Variants in DVL3 observed in about 807,000 individuals in gnomAD.
The protein encoded by DVL3 is segment polarity protein dishevelled homolog DVL-3.
DVL3 carries 27 observed loss-of-function variants against 67.4 expected under a neutral mutation model. The ratio of observed to expected loss-of-function variants is 0.40; its 90% CI spans 0.30 to 0.55. The LOEUF (loss-of-function observed/expected upper bound fraction) is 0.55, where lower values mean the gene tolerates loss of function less well. Ranked by LOEUF, DVL3 falls within the 20% of genes least tolerant of loss-of-function variation. DVL3 has a pLI of 0.46. For synonymous variants in DVL3, 369 were observed against 396.8 expected (o/e 0.93, Z 0.83); for missense variants, 819 against 1,021.5 (o/e 0.80, Z 2.70).
At chr3:184,156,281 C>T in intron 1 of DVL3, 2 of 455,606 alleles carry the variant, frequency 4.4e-6, no homozygotes, top group South Asian at 3.1e-5. Flanking sequence ...TCTGCTGGGA[C>T]TTTGAGCTGG....
At chr3:184,162,724 G>A (rs1366817769) in intron 1 of DVL3, among the ~76,000 whole-genome samples, 2 of 151,822 alleles carry the variant, frequency 1.3e-5, no homozygotes, top group Non-Finnish European at 2.9e-5. Context: ...GTCAGAGCTG[G>A]AATTTCACCC....
At position 184,163,590 on chromosome 3, in the gene DVL3, G is replaced by T; in HGVS notation, c.162-67G>T. 7.3e-7 allele frequency: 1 copy of T among 1,365,594 alleles called. No individual in the cohort carries two copies. Among genetic ancestry groups the T allele is most frequent in the African/African-American group, 1.4e-5 (1 of 70,126 alleles). 84.6% of individuals were successfully genotyped at this position (1,365,594 alleles called of 1,614,324 possible). ...GTTTAGGATGGAGGAGCCCCTGAGA[G>T]TTGGGATTTGAGGATCCTCCATTTG... On this transcript the variant is annotated intron_variant, in intron 1 of 14. Transcript: ENST00000313143. This position sits in a 1 kb window ranked among gnomAD's most constrained non-coding sequence, Gnocchi z 4.5.
chr3:184,171,609 AGGG>A lies in DVL3; in HGVS notation c.*856_*858del. ...TTTGACTTTCTGTGAGCCCCCAGCGAGGGGAGGCCCAGCCTCCGAGGAGACCAG... is the reference window on the plus strand; with the variant it reads ...TTTGACTTTCTGTGAGCCCCCAGCGAGAGGCCCAGCCTCCGAGGAGACCAG... On this transcript the variant is annotated 3_prime_UTR_variant, in exon 15 of 15. Coordinates refer to ENST00000313143, the MANE Select transcript of DVL3 (RefSeq NM_004423.4). The A allele has an allele frequency of 1.0e-6, 1 of 985,896 alleles. No homozygotes were observed. Among genetic ancestry groups the A allele is most frequent in the Non-Finnish European group, 1.2e-6 (1 of 829,952 alleles). 61.1% of individuals were successfully genotyped at this position (985,896 alleles called of 1,614,324 possible).
Position 184,165,531 on chromosome 3 carries a change from T to C in DVL3, c.763+40T>C. The C allele has an allele frequency of 6.4e-7, 1 of 1,565,042 alleles. No homozygotes were observed. Among genetic ancestry groups the C allele is most frequent in the Non-Finnish European group, 8.8e-7 (1 of 1,135,492 alleles). Reference sequence around the variant, plus strand: ...ACAGCACTCTCAAGCACCTGCTATATGCCAGACACTGGGCAGACTTGAGTT... The same window carrying C: ...ACAGCACTCTCAAGCACCTGCTATACGCCAGACACTGGGCAGACTTGAGTT... On this transcript the variant is annotated intron_variant, in intron 7 of 14. Transcript: ENST00000313143. This position sits in a 1 kb window ranked among gnomAD's most constrained non-coding sequence, Gnocchi z 4.1.
Position 184,164,966 on chromosome 3 carries a change from G to A in DVL3, c.599+35G>A, listed in dbSNP as rs1714525237. On this transcript the variant is annotated intron_variant, in intron 5 of 14. Coordinates refer to ENST00000313143, the MANE Select transcript of DVL3 (RefSeq NM_004423.4). This position sits in a 1 kb window ranked among gnomAD's most constrained non-coding sequence, Gnocchi z 5.3. ...GAGTTTCATGGGTATTGTGGGGCAG[G>A]TGACCCTGGAGGAGCCCTAAACCCT... 2 of 1,613,690 alleles carry A rather than the reference G, an allele frequency of 1.2e-6. No homozygotes were observed. Among genetic ancestry groups the A allele is most frequent in the East Asian group, 2.2e-5 (1 of 44,870 alleles).
rs755596247 is a variant in DVL3, at chr3:184,165,103, G to A, written c.600-10G>A. ...GCCAGCCTGGTGGGGAACGACTGTG[G>A]GCCCCACAGGTTCAGCAGCTCCACA... On this transcript the variant is annotated splice_polypyrimidine_tract_variant and intron_variant, in intron 5 of 14. Coordinates refer to ENST00000313143, the MANE Select transcript of DVL3 (RefSeq NM_004423.4). The surrounding 1 kb of genome is among the most constrained non-coding windows in gnomAD (Gnocchi z 4.1). 6.2e-7 allele frequency: 1 copy of A among 1,613,998 alleles called. No individual in the cohort carries two copies. The highest frequency in any genetic ancestry group is 1.1e-5 in the South Asian group (1 of 91,050).
chr3:184,155,947 C>A lies in DVL3; in HGVS notation c.161+151C>A. ...TCGGCCCATTTGGGCCCCTTTGGTT[C>A]CAGCCCCAGTAGCAACTCCCGTTTA... On this transcript the variant is annotated intron_variant, in intron 1 of 14. Transcript: ENST00000313143. The surrounding 1 kb of genome is among the most constrained non-coding windows in gnomAD (Gnocchi z 5.4). 1 of 954,666 alleles carries A rather than the reference C, an allele frequency of 1.0e-6. No individual in the cohort carries two copies. Among genetic ancestry groups the A allele is most frequent in the Non-Finnish European group, 1.5e-6 (1 of 655,918 alleles). The allele number at this position is 954,666 out of a possible 1,614,324, so 59.1% of individuals were successfully genotyped here. A position where few individuals can be genotyped will look rare whatever the true frequency, so the allele number is the denominator to read the frequency against.
Position 184,155,482 on chromosome 3 carries a change from C to A in DVL3, c.-154C>A. ...GGCGGCGGCGGGCGGCGCTGGGACC[C>A]GGTAGCGGCCGGAGAACAAGGGAGC... On this transcript the variant is annotated 5_prime_UTR_variant, in exon 1 of 15. Coordinates refer to ENST00000313143, the MANE Select transcript of DVL3 (RefSeq NM_004423.4). This position sits in a 1 kb window ranked among gnomAD's most constrained non-coding sequence, Gnocchi z 5.4. The A allele has an allele frequency of 3.7e-6, 1 of 270,940 alleles. No homozygotes were observed. The highest frequency in any genetic ancestry group is 1.3e-4 in the South Asian group (1 of 7,864). The allele number at this position is 270,940 out of a possible 1,614,324, so 16.8% of individuals were successfully genotyped here. A position where few individuals can be genotyped will look rare whatever the true frequency, so the allele number is the denominator to read the frequency against.
chr3:184,170,985 T>G lies in DVL3; in HGVS notation c.*230T>G. On this transcript the variant is annotated 3_prime_UTR_variant, in exon 15 of 15. Transcript: ENST00000313143. This position sits in a 1 kb window ranked among gnomAD's most constrained non-coding sequence, Gnocchi z 6.5. ...CCAGTTCGTTTCCTCTGCCCACTAA[T>G]CCCTGCGCAGGACTTCCCAGGACCC... is the stretch of plus-strand genomic sequence containing the variant. 6.7e-7 allele frequency: 1 copy of G among 1,497,890 alleles called. No individual in the cohort carries two copies. Among genetic ancestry groups the G allele is most frequent in the Non-Finnish European group, 8.9e-7 (1 of 1,122,540 alleles). 92.8% of individuals were successfully genotyped at this position (1,497,890 alleles called of 1,614,324 possible). A position where few individuals can be genotyped will look rare whatever the true frequency, so the allele number is the denominator to read the frequency against.
At chr3:184,161,277 A>G (rs1019038239) in intron 1 of DVL3, among the ~76,000 whole-genome samples, 4 of 152,170 alleles carry the variant, frequency 2.6e-5, no homozygotes, top group African/African-American at 7.2e-5. Flanking sequence ...AAATATAAAA[A>G]TTAGCCAGGC....
At chr3:184,162,974 C>G (rs1290982398) in intron 1 of DVL3, among the ~76,000 whole-genome samples, 2 of 152,080 alleles carry the variant, frequency 1.3e-5, no homozygotes, top group Non-Finnish European at 2.9e-5. Context: ...TTTGAGGACC[C>G]TCAGACTGTC....
rs1341947182 is a variant in DVL3 at position 184,170,313 on chromosome 3, C to T, written c.1715-6C>T. The T allele has an allele frequency of 1.3e-6, 2 of 1,598,158 alleles. No individual in the cohort carries two copies. Among genetic ancestry groups the T allele is most frequent in the African/African-American group, 2.7e-5 (2 of 74,638 alleles). On this transcript the variant is annotated splice_polypyrimidine_tract_variant and splice_region_variant and intron_variant, in intron 14 of 14. Coordinates refer to ENST00000313143, the MANE Select transcript of DVL3 (RefSeq NM_004423.4). The surrounding 1 kb of genome is among the most constrained non-coding windows in gnomAD (Gnocchi z 6.5). ...GCCCCACCCCGGCCCTGTTTGCCTCCTACAGGCAGTCGGAGCAGTGGCTCC... is the reference window on the plus strand; with the variant it reads ...GCCCCACCCCGGCCCTGTTTGCCTCTTACAGGCAGTCGGAGCAGTGGCTCC...
At chr3:184,168,729 T>G (rs1560120144) in intron 13 of DVL3, among the ~76,000 whole-genome samples, 1 of 152,176 alleles carries the variant, frequency 6.6e-6, no homozygotes, top group Admixed American at 6.5e-5. Flanking sequence ...TCAAGGGCAG[T>G]TGTAGCTCTC....
chr3:184,169,275 G>C (rs2109023302), intron 13 of DVL3, among the ~76,000 whole-genome samples: 1 of 152,360 alleles, frequency 6.6e-6, no homozygotes, highest in Admixed American at 6.5e-5. Flanking sequence ...CTGAGCTGAA[G>C]GTAGTGTTCG....
Position 184,163,833 on chromosome 3 carries a change from TC to T in DVL3, c.231+108del. On this transcript the variant is annotated intron_variant, in intron 2 of 14. Transcript: ENST00000313143. The surrounding 1 kb of genome is among the most constrained non-coding windows in gnomAD (Gnocchi z 4.5). ...GTGGTTTTAAGCTTCAGTATCTGAA[TC>T]TTTCTTTAGTTTTGCAAATGAACTG... 1.0e-6 allele frequency: 1 copy of T among 997,302 alleles called. No homozygotes were observed. The highest frequency in any genetic ancestry group is 1.5e-6 in the Non-Finnish European group (1 of 650,346). 61.8% of individuals were successfully genotyped at this position (997,302 alleles called of 1,614,324 possible). A position where few individuals can be genotyped will look rare whatever the true frequency, so the allele number is the denominator to read the frequency against.
chr3:184,155,776 G>C lies in DVL3; in HGVS notation c.141G>C (p.Lys47Asn). The change falls in exon 1 of 15, where the codon AAG becomes AAC. Residue 47 changes from lysine to asparagine, a missense_variant. By Grantham distance (94) the Lys-to-Asn change is moderately conservative. Around this residue, in one of 3 missense-constraint regions of DVL3, gnomAD observed 385 missense variants for 486.8 expected, o/e 0.79. Coordinates refer to ENST00000313143, the MANE Select transcript of DVL3 (RefSeq NM_004423.4). This position sits in a 1 kb window ranked among gnomAD's most constrained non-coding sequence, Gnocchi z 5.4. Reference protein sequence around the residue: ...LQRPSYKFFFKSMDDDFGVVK... With the variant: ...LQRPSYKFFFNSMDDDFGVVK... ...GACCCAGCTATAAGTTCTTCTTCAA[G>C]TCTATGGACGACGATTTCGGGTGAG... 1 of 1,611,482 alleles carries C rather than the reference G, an allele frequency of 6.2e-7. No individual in the cohort carries two copies. The highest frequency in any genetic ancestry group is 8.5e-7 in the Non-Finnish European group (1 of 1,179,142).
At chr3:184,168,506 G>A (rs979596907) in intron 13 of DVL3, among the ~76,000 whole-genome samples, 3 of 152,160 alleles carry the variant, frequency 2.0e-5, no homozygotes, top group African/African-American at 7.2e-5. Context: ...GGAGGCTCAC[G>A]TCATCACCAG....
chr3:184,162,417 C>T (rs529816344), intron 1 of DVL3, among the ~76,000 whole-genome samples: 11 of 152,206 alleles, frequency 7.2e-5, no homozygotes, highest in Non-Finnish European at 1.2e-4. Context: ...AACTCCTGGC[C>T]TCAAGCGATC....
rs1714913508 is a variant in DVL3, at chr3:184,173,331, AT to A, written c.*2579del. 1 of 152,170 alleles carries A rather than the reference AT, an allele frequency of 6.6e-6. No individual in the cohort carries two copies. Among genetic ancestry groups the A allele is most frequent in the Admixed American group, 6.5e-5 (1 of 15,280 alleles). 9.4% of individuals were successfully genotyped at this position (152,170 alleles called of 1,614,324 possible). On this transcript the variant is annotated 3_prime_UTR_variant, in exon 15 of 15. Transcript: ENST00000313143. ...ATTTCACTCCAACACTCTGTCTTGA[AT>A]TTGGCCCTCCCTCTCCCCTCTCTAC...
Sources: allele counts gnomAD v4.1 joint callset (sites outside exome capture counted in the v4.1 genomes callset), GRCh38; gene constraint gnomAD v4.1.1; regional missense constraint gnomAD v4.1.1; non-coding constraint Gnocchi (gnomAD v3.1); transcripts MANE v1.5; gene names NCBI Gene and HGNC (gene_info 2026-07-23, HGNC 2026-07-21).